The following EML6 variants were observed in gnomAD, a reference collection of about 807,000 sequenced individuals.
EML6 encodes echinoderm microtubule-associated protein-like 6.
EML6 carries 154 observed loss-of-function variants against 240.1 expected under a neutral mutation model. That is an observed-to-expected ratio of 0.64 (90% CI 0.56 to 0.73). The LOEUF (loss-of-function observed/expected upper bound fraction) is 0.73, where lower values mean the gene tolerates loss of function less well. Among genes scored for constraint, EML6 ranks in the 30% least tolerant of loss-of-function variants. The probability of loss-of-function intolerance (pLI) is 0.00; values close to 1 mark genes in which losing one functional copy is unlikely to be tolerated. For missense variants in EML6, 2,964 were observed against 2,474.6 expected, an observed-to-expected ratio of 1.20 and a Z score of -4.20; for synonymous variants, 1,148 against 899.0, an observed-to-expected ratio of 1.28 and a Z score of -4.95.
chr2:54,861,046 T>A (rs1029975805), intron 12 of EML6, among the ~76,000 whole-genome samples: 6 of 152,166 alleles, frequency 3.9e-5, no homozygotes, highest in African/African-American at 1.4e-4. Context: ...CAGCTCCCAT[T>A]TTTTTTCTCC....
chr2:54,741,453 C>G (rs67514855), intron 2 of EML6, among the ~76,000 whole-genome samples: 1 of 151,942 alleles, frequency 6.6e-6, no homozygotes, highest in Non-Finnish European at 1.5e-5. Flanking sequence ...TAAGTACACA[C>G]GCACACACAC....
At chr2:54,817,942 C>T (rs187366589) in intron 4 of EML6, among the ~76,000 whole-genome samples, 1 of 152,278 alleles carries the variant, frequency 6.6e-6, no homozygotes, top group Admixed American at 6.5e-5. Context: ...AACCTCAGTA[C>T]TGGAAGAGGC....
At position 54,960,318 on chromosome 2, in the gene EML6, C is replaced by T. The variant is rs769644496; in HGVS notation, c.4952C>T (p.Ser1651Phe). The T allele has an allele frequency of 6.4e-7, 1 of 1,550,394 alleles. No homozygotes were observed. The highest frequency in any genetic ancestry group is 1.2e-5 in the South Asian group (1 of 84,044). ...GGGCAGCTGGTGGAGTGTGTGCGCT[C>T]CGTGTGCCGTGGAAAAGTGAGCACA... ...ETGQLVECVR[S>F]VCRGKGKILV... is the part of the protein sequence containing the mutation. Residue 1651 changes from serine to phenylalanine, a missense_variant, in exon 35 of 42, where the codon TCC becomes TTC. Transcript: ENST00000356458.
chr2:54,895,368 G>T lies in EML6; in HGVS notation c.2950G>T (p.Asp984Tyr). Reference sequence around the variant, plus strand: ...AAAAAATGGAGAGATTCTGGAAATTGATAAGAGTGGCCCAATGACACTGCT... The same window carrying T: ...AAAAAATGGAGAGATTCTGGAAATTTATAAGAGTGGCCCAATGACACTGCT... ...GTKNGEILEI[D>Y]KSGPMTLLVQ... Residue 984 changes from aspartate to tyrosine, a missense_variant, in exon 21 of 42, where the codon GAT (aspartate) becomes TAT (tyrosine). Physicochemically the swap from Asp to Tyr is radical, Grantham distance 160. Coordinates refer to ENST00000356458, the MANE Select transcript of EML6 (RefSeq NM_001039753.4). The T allele has an allele frequency of 1.9e-6, 3 of 1,552,032 alleles. No homozygotes were observed. The highest frequency in any genetic ancestry group is 2.6e-6 in the Non-Finnish European group (3 of 1,146,974).
intron 21 of EML6, among the ~76,000 whole-genome samples, 155 bp from the exon 22 acceptor site, chr2:54,899,486 G>A (rs899116011): frequency 1.3e-5 from 2 of 152,242 alleles, no homozygotes; most frequent in South Asian, 2.1e-4. Flanking sequence ...AAATTATTTC[G>A]GGTGATGATT....
chr2:54,932,750 T>A (rs1243735761), intron 28 of EML6, among the ~76,000 whole-genome samples: 2 of 152,238 alleles, frequency 1.3e-5, no homozygotes, highest in African/African-American at 4.8e-5. Context: ...CAGACTTCGG[T>A]AAAAACAGTT....
At chr2:54,770,358 G>A (rs1470562096) in intron 2 of EML6, among the ~76,000 whole-genome samples, 1 of 152,170 alleles carries the variant, frequency 6.6e-6, no homozygotes, top group Non-Finnish European at 1.5e-5. Context: ...GCACACTTGG[G>A]ACCACTTGCT....
intron 2 of EML6, among the ~76,000 whole-genome samples, chr2:54,729,858 A>G (rs1374601836): frequency 6.6e-6 from 1 of 152,216 alleles, no homozygotes; most frequent in African/African-American, 2.4e-5. Flanking sequence ...TGCTTTAGAA[A>G]CATCCCCAGC....
intron 17 of EML6, among the ~76,000 whole-genome samples, chr2:54,884,291 A>G (rs1366286340): frequency 6.6e-6 from 1 of 152,180 alleles, no homozygotes; most frequent in East Asian, 1.9e-4. Context: ...CAGAGCTTCC[A>G]TGGCCTCCCT....
At chr2:54,843,371 G>C (rs4671978) in intron 7 of EML6, among the ~76,000 whole-genome samples, 16,057 of 152,022 alleles carry the variant, frequency 0.11, 1,129 homozygotes, top group East Asian at 0.29. Flanking sequence ...CGAGGCTTCA[G>C]TGAGCTACAG....
At chr2:54,803,153 T>G (rs1396755018) in intron 2 of EML6, among the ~76,000 whole-genome samples, 1 of 152,000 alleles carries the variant, frequency 6.6e-6, no homozygotes, top group Non-Finnish European at 1.5e-5. Context: ...GGAAGGGAGT[T>G]GTTCTTAACC....
At chr2:54,793,905 G>A (rs1020748988) in intron 2 of EML6, among the ~76,000 whole-genome samples, 1 of 152,174 alleles carries the variant, frequency 6.6e-6, no homozygotes. Context: ...CCTACTAGGA[G>A]ACAGTTCTCC....
intron 30 of EML6, among the ~76,000 whole-genome samples, chr2:54,951,003 C>A (rs1185502505): frequency 6.6e-6 from 1 of 152,084 alleles, no homozygotes; most frequent in Non-Finnish European, 1.5e-5. Context: ...ATCATAGGCC[C>A]TAGAGAGAAG....
chr2:54,887,710 T>A (rs1003971149), intron 17 of EML6, among the ~76,000 whole-genome samples: 6 of 152,214 alleles, frequency 3.9e-5, no homozygotes, highest in African/African-American at 1.4e-4. Context: ...TTCTGTTTTT[T>A]CCATATGGCT....
intron 2 of EML6, among the ~76,000 whole-genome samples, chr2:54,734,244 G>A (rs769475311): frequency 6.6e-6 from 1 of 152,154 alleles, no homozygotes. Context: ...AGGCTGAGAC[G>A]GGAGAATCGT....
chr2:54,921,515 G>A (rs947643661), intron 26 of EML6, among the ~76,000 whole-genome samples: 1 of 151,988 alleles, frequency 6.6e-6, no homozygotes, highest in East Asian at 1.9e-4. Flanking sequence ...AAAATAATCT[G>A]CAGATTCAAT....
At chr2:54,933,255 A>T (rs1674954731) in intron 28 of EML6, among the ~76,000 whole-genome samples, 1 of 152,158 alleles carries the variant, frequency 6.6e-6, no homozygotes, top group South Asian at 2.1e-4. Flanking sequence ...GGCTAGGAAG[A>T]AAAAGTCTTT....
chr2:54,900,116 AAC>A (rs1672980115), intron 22 of EML6, among the ~76,000 whole-genome samples: 1 of 152,238 alleles, frequency 6.6e-6, no homozygotes, highest in South Asian at 2.1e-4. Flanking sequence ...TTTATTTTGT[AAC>A]AGTCTCCAGA....
At chr2:54,818,861 C>G (rs1049375618) in intron 4 of EML6, among the ~76,000 whole-genome samples, 4 of 152,136 alleles carry the variant, frequency 2.6e-5, no homozygotes, top group African/African-American at 2.4e-5. Context: ...ATTACTGATA[C>G]CAGTATGAAT....
Sources: allele counts gnomAD v4.1 joint callset (sites outside exome capture counted in the v4.1 genomes callset), GRCh38; gene constraint gnomAD v4.1.1; transcripts MANE v1.5; gene names NCBI Gene and HGNC (gene_info 2026-07-23, HGNC 2026-07-21).